PHACTR1: variants seen among roughly 807,000 people sequenced by gnomAD.
PHACTR1 encodes the protein phosphatase and actin regulator 1.
Under a neutral mutation model 69.2 loss-of-function variants are expected in PHACTR1, and 16 were observed. The ratio of observed to expected loss-of-function variants is 0.23; its 90% CI spans 0.16 to 0.35. The LOEUF (loss-of-function observed/expected upper bound fraction) is 0.35. PHACTR1 is among the 10% of genes least tolerant of loss of function. The probability of loss-of-function intolerance (pLI) is 1.00; values close to 1 mark genes in which losing one functional copy is unlikely to be tolerated. For missense variants in PHACTR1, 510 were observed against 734.7 expected, an observed-to-expected ratio of 0.69 and a Z score of 3.54; for synonymous variants, 312 against 284.5, an observed-to-expected ratio of 1.10 and a Z score of -0.97.
intron 5 of PHACTR1, among the ~76,000 whole-genome samples, chr6:13,085,540 T>TG (rs1812132851): frequency 6.6e-6 from 1 of 152,096 alleles, no homozygotes; most frequent in African/African-American, 2.4e-5. Flanking sequence ...TAATGGAAGA[T>TG]GCAACAATTC....
At chr6:13,195,632 C>T (rs1764259712) in intron 7 of PHACTR1, among the ~76,000 whole-genome samples, 1 of 151,790 alleles carries the variant, frequency 6.6e-6, no homozygotes, top group Admixed American at 6.6e-5. Context: ...GTGGCGAGCA[C>T]CTGTAATCCC....
chr6:12,797,218 C>G (rs1253187961), intron 4 of PHACTR1, among the ~76,000 whole-genome samples: 1 of 152,098 alleles, frequency 6.6e-6, no homozygotes, highest in Non-Finnish European at 1.5e-5. Context: ...CTGTAGCAGT[C>G]CACTTGCAAG....
At chr6:13,270,975 G>A (rs1400261672) in intron 10 of PHACTR1, among the ~76,000 whole-genome samples, 1 of 151,650 alleles carries the variant, frequency 6.6e-6, no homozygotes, top group Non-Finnish European at 1.5e-5. Context: ...AAGAGAGAGA[G>A]AGAGAGTGAG....
intron 5 of PHACTR1, among the ~76,000 whole-genome samples, chr6:13,088,799 C>T (rs1252179256): frequency 7.2e-5 from 11 of 152,090 alleles, no homozygotes; most frequent in Admixed American, 6.6e-5. Flanking sequence ...TTTAAATGAC[C>T]CTTGTCTGCA....
intron 4 of PHACTR1, among the ~76,000 whole-genome samples, chr6:12,983,871 T>C (rs1423082553): frequency 6.6e-6 from 1 of 152,324 alleles, no homozygotes; most frequent in Admixed American, 6.5e-5. Flanking sequence ...ACAAAGGACA[T>C]GAAATCATCC....
At chr6:12,841,913 C>T (rs141027980) in intron 4 of PHACTR1, among the ~76,000 whole-genome samples, 4 of 152,038 alleles carry the variant, frequency 2.6e-5, no homozygotes, top group Admixed American at 6.6e-5. Context: ...GGGCTTCTTA[C>T]ACCTTTATTT....
intron 6 of PHACTR1, among the ~76,000 whole-genome samples, chr6:13,164,144 A>T (rs1465033365): frequency 6.6e-6 from 1 of 150,548 alleles, no homozygotes; most frequent in East Asian, 2.0e-4. Flanking sequence ...ATTCGGTTCC[A>T]CCTGGCTTTC....
At chr6:13,044,484 GAATT>G (rs1247885321) in intron 4 of PHACTR1, among the ~76,000 whole-genome samples, 1 of 152,160 alleles carries the variant, frequency 6.6e-6, no homozygotes, top group Non-Finnish European at 1.5e-5. Flanking sequence ...ACTCATCCCT[GAATT>G]AATTACTGTG....
At chr6:12,985,553 T>TA (rs1374184303) in intron 4 of PHACTR1, among the ~76,000 whole-genome samples, 40 of 146,890 alleles carry the variant, frequency 2.7e-4, no homozygotes, top group African/African-American at 9.2e-4. Flanking sequence ...TATATATATA[T>TA]ATATATATAC....
intron 4 of PHACTR1, among the ~76,000 whole-genome samples, chr6:12,768,925 C>G (rs1410336178): frequency 4.0e-5 from 6 of 151,752 alleles, no homozygotes; most frequent in African/African-American, 1.5e-4. Context: ...GATGGGCAAA[C>G]TCGGAGGACA....
intron 4 of PHACTR1, among the ~76,000 whole-genome samples, chr6:12,806,167 G>A (rs1295704984): frequency 6.6e-6 from 1 of 151,980 alleles, no homozygotes; most frequent in Non-Finnish European, 1.5e-5. Flanking sequence ...CACCTTCTGC[G>A]ATCCTCATCT....
intron 4 of PHACTR1, among the ~76,000 whole-genome samples, chr6:12,992,731 A>T (rs1267999481): frequency 6.6e-6 from 1 of 152,190 alleles, no homozygotes; most frequent in Non-Finnish European, 1.5e-5. Flanking sequence ...CAAAGAGAAA[A>T]GAAAAAAGCT....
At chr6:12,823,776 C>A (rs1019766134) in intron 4 of PHACTR1, among the ~76,000 whole-genome samples, 2 of 152,188 alleles carry the variant, frequency 1.3e-5, no homozygotes, top group African/African-American at 4.8e-5. Context: ...ATTTTAGAAG[C>A]TTCTACTTAG....
At chr6:12,930,975 C>A (rs1332320241) in intron 4 of PHACTR1, among the ~76,000 whole-genome samples, 1 of 131,616 alleles carries the variant, frequency 7.6e-6, no homozygotes, top group African/African-American at 3.0e-5. Context: ...TCACTTGAAC[C>A]TGGGGAAACA....
intron 7 of PHACTR1, 68 bp from the exon 8 acceptor site, chr6:13,205,727 ACAGTCTCCAGGTGAGCGCAT>A: frequency 7.8e-7 from 1 of 1,287,132 alleles, no homozygotes; most frequent in Non-Finnish European, 1.1e-6. Flanking sequence ...CTCATTGGCC[ACAGTCTCCAGGTGAGCGCAT>A]CTGGTGTTCT....
At chr6:13,184,108 G>A (rs1156667353) in intron 7 of PHACTR1, among the ~76,000 whole-genome samples, 3 of 152,228 alleles carry the variant, frequency 2.0e-5, no homozygotes, top group Admixed American at 6.5e-5. Flanking sequence ...GGAGCTGGTG[G>A]GGGCAGGATG....
intron 4 of PHACTR1, among the ~76,000 whole-genome samples, chr6:12,795,836 A>G (rs1458535380): frequency 1.3e-5 from 2 of 152,028 alleles, no homozygotes; most frequent in Non-Finnish European, 2.9e-5. Flanking sequence ...CTTCAGGGGA[A>G]GTCTTGATAG....
chr6:12,790,677 T>A (rs1772159813), intron 4 of PHACTR1, among the ~76,000 whole-genome samples: 1 of 152,162 alleles, frequency 6.6e-6, no homozygotes, highest in South Asian at 2.1e-4. Context: ...GAAAAGAGGA[T>A]ATTATTAGAA....
chr6:13,127,955 C>A (rs1242148122), intron 5 of PHACTR1, among the ~76,000 whole-genome samples: 1 of 151,824 alleles, frequency 6.6e-6, no homozygotes, highest in East Asian at 2.0e-4. Flanking sequence ...AGCAAACTTA[C>A]AATCATGGCG....
Sources: gnomAD v4.1 joint callset for allele counts (sites outside exome capture counted in the v4.1 genomes callset) on GRCh38, gnomAD v4.1.1 for gene constraint, MANE v1.5 for transcripts, NCBI Gene and HGNC (gene_info 2026-07-23, HGNC 2026-07-21) for gene names.